Variants in FBN2 observed in about 807,000 individuals in gnomAD.
The protein encoded by FBN2 is fibrillin 2.
In FBN2, 105 loss-of-function variants were observed where a neutral mutation model predicts 355.6. That is an observed-to-expected ratio of 0.30 (90% confidence interval 0.25 to 0.35). FBN2 has a LOEUF of 0.35. FBN2 is among the 10% of genes least tolerant of loss of function. The pLI, the probability that FBN2 is intolerant of heterozygous loss-of-function variation, is 1.00. For synonymous variants in FBN2, 1,350 were observed against 1,301.2 expected (o/e 1.04, Z -0.81); for missense variants, 3,280 against 3,758.7 (o/e 0.87, Z 3.33).
intron 55 of FBN2, 123 bp downstream of exon 55, chr5:128,286,595 A>T (rs1749150543): frequency 3.5e-6 from 4 of 1,147,476 alleles, no homozygotes; most frequent in Non-Finnish European, 5.3e-6. Context: ...AGCTAGCTGT[A>T]TCACTGCCTT....
chr5:128,498,808 A>C (rs1755727782), intron 5 of FBN2, among the ~76,000 whole-genome samples: 1 of 152,222 alleles, frequency 6.6e-6, no homozygotes, highest in Non-Finnish European at 1.5e-5. Context: ...CTACAATCTT[A>C]CTATAATCTA....
rs139098335 is a variant in FBN2 at position 128,259,674 on chromosome 5, G to C, written c.8520C>G (p.Asn2840Lys). The change falls in exon 65 of 65, where the codon AAC becomes AAG. Residue 2840 changes from asparagine to lysine, a missense_variant. Transcript: ENST00000262464. ...GGTGGATGCGGAAGACGCTGTCATC[G>C]TTCCCTTGAGAGATGACATAACGGA... is the stretch of plus-strand genomic sequence containing the variant. Reference protein sequence around the residue: ...NHIRYVISQGNDDSVFRIHQR... With the variant: ...NHIRYVISQGKDDSVFRIHQR... 1.5e-5 allele frequency: 25 copies of C among 1,613,956 alleles called. No homozygotes were observed. The East Asian group carries it at 5.4e-4, about 35-fold the overall frequency.
At chr5:128,510,809 C>T (rs533358882) in intron 5 of FBN2, among the ~76,000 whole-genome samples, 1 of 152,242 alleles carries the variant, frequency 6.6e-6, no homozygotes, top group South Asian at 2.1e-4. Context: ...TGAACTGACA[C>T]AATATAGTTC....
intron 5 of FBN2, among the ~76,000 whole-genome samples, chr5:128,499,728 G>A (rs1755754466): frequency 6.6e-6 from 1 of 151,934 alleles, no homozygotes; most frequent in South Asian, 2.1e-4. Context: ...AAATTGACAC[G>A]CTCAAGAACA....
At chr5:128,291,010 T>C (rs906949194) in intron 49 of FBN2, 126 bp from the exon 50 acceptor site, 10 of 817,052 alleles carry the variant, frequency 1.2e-5, no homozygotes, top group Admixed American at 4.4e-5. Context: ...AAATCTTCGA[T>C]TGCTGATTTC....
intron 16 of FBN2, among the ~76,000 whole-genome samples, chr5:128,368,633 C>G (rs1258363129): frequency 6.6e-6 from 1 of 151,460 alleles, no homozygotes; most frequent in Non-Finnish European, 1.5e-5. Context: ...GTAAAAAAAC[C>G]CTCTTATAAT....
chr5:128,272,463 C>CATATATATATATATATATAT (rs3083327), intron 61 of FBN2, among the ~76,000 whole-genome samples: 7 of 139,814 alleles, frequency 5.0e-5, no homozygotes, highest in Middle Eastern at 3.4e-3. Context: ...TTTGGTAAAT[C>CATATATATATATATATATAT]ATATATATAT....
intron 17 of FBN2, among the ~76,000 whole-genome samples, chr5:128,366,132 G>C (rs1393563175): frequency 6.8e-6 from 1 of 147,184 alleles, no homozygotes; most frequent in Non-Finnish European, 1.5e-5. Flanking sequence ...AATCAGGAGA[G>C]TAGTTTGTTA....
At chr5:128,391,606 A>G (rs1268604746) in intron 11 of FBN2, among the ~76,000 whole-genome samples, 2 of 152,194 alleles carry the variant, frequency 1.3e-5, no homozygotes, top group East Asian at 3.8e-4. Flanking sequence ...TGAGACCGAC[A>G]TATTTGAAAA....
chr5:128,376,949 A>C (rs1430330628), intron 13 of FBN2, 96 bp from the exon 14 acceptor site: 7 of 1,453,438 alleles, frequency 4.8e-6, no homozygotes, highest in Non-Finnish European at 6.7e-6. Context: ...CCACTACCTA[A>C]ATGAGCCATG....
At chr5:128,450,706 G>C (rs1201016332) in intron 6 of FBN2, among the ~76,000 whole-genome samples, 1 of 151,776 alleles carries the variant, frequency 6.6e-6, no homozygotes, top group African/African-American at 2.4e-5. Context: ...CAAAAAAATA[G>C]AGATAATCAA....
intron 7 of FBN2, among the ~76,000 whole-genome samples, chr5:128,420,658 A>T (rs2127015594): frequency 1.3e-5 from 2 of 152,342 alleles, no homozygotes; most frequent in African/African-American, 4.8e-5. Context: ...TATATCTCTT[A>T]AATAAATATT....
rs1399287921 is a variant in FBN2 at position 128,286,839 on chromosome 5, T to C, written c.6891A>G (p.Glu2297=). The C allele has an allele frequency of 1.2e-6, 2 of 1,613,886 alleles. No individual in the cohort carries two copies. The highest frequency in any genetic ancestry group is 2.7e-5 in the African/African-American group (2 of 74,930). Residue 2297 remains glutamate (E), a synonymous_variant, in exon 55 of 65, where the codon GAA becomes GAG. Coordinates refer to ENST00000262464, the MANE Select transcript of FBN2 (RefSeq NM_001999.4). ...EDQKMCKDLD[E]CAEGLHDCES... is the part of the protein sequence containing the mutation. ...CACAGTCGTGTAACCCTTCAGCACATTCATCCAGATCTAGAACAAAAAATA... is the reference window on the plus strand; with the variant it reads ...CACAGTCGTGTAACCCTTCAGCACACTCATCCAGATCTAGAACAAAAAATA...
At chr5:128,286,182 A>G (rs190634517) in intron 55 of FBN2, among the ~76,000 whole-genome samples, 360 of 152,340 alleles carry the variant, frequency 2.4e-3, no homozygotes, top group Non-Finnish European at 4.1e-3. Context: ...ATTAAGTACT[A>G]TATTTGAATG....
intron 8 of FBN2, among the ~76,000 whole-genome samples, chr5:128,407,890 G>A (rs1752971082): frequency 6.6e-6 from 1 of 152,150 alleles, no homozygotes; most frequent in Non-Finnish European, 1.5e-5. Context: ...GAGAGACACT[G>A]CCCAAACGGC....
chr5:128,426,492 C>T (rs1480362819), intron 7 of FBN2, among the ~76,000 whole-genome samples: 1 of 152,120 alleles, frequency 6.6e-6, no homozygotes, highest in East Asian at 1.9e-4. Context: ...AGAGTGCAAG[C>T]AGAAAGCAAC....
At chr5:128,447,577 C>T (rs1344741832) in intron 6 of FBN2, among the ~76,000 whole-genome samples, 3 of 152,172 alleles carry the variant, frequency 2.0e-5, no homozygotes, top group Admixed American at 6.5e-5. Flanking sequence ...ACAATGCATG[C>T]CCGAAACTTC....
intron 5 of FBN2, among the ~76,000 whole-genome samples, chr5:128,467,487 A>G (rs1294079816): frequency 6.6e-6 from 1 of 152,158 alleles, no homozygotes; most frequent in Non-Finnish European, 1.5e-5. Context: ...AAAGAATTTA[A>G]ATTTCCTGAT....
chr5:128,514,064 G>A (rs1381614122), intron 5 of FBN2, among the ~76,000 whole-genome samples: 1 of 151,986 alleles, frequency 6.6e-6, no homozygotes, highest in Non-Finnish European at 1.5e-5. Flanking sequence ...GTACATGTGA[G>A]TCTGACATCT....
Sources: gnomAD v4.1 joint callset for allele counts (sites outside exome capture counted in the v4.1 genomes callset) on GRCh38, gnomAD v4.1.1 for gene constraint, MANE v1.5 for transcripts, NCBI Gene and HGNC (gene_info 2026-07-23, HGNC 2026-07-21) for gene names.